The following BEND6 variants were observed in gnomAD, a reference collection of about 807,000 sequenced individuals.
The protein encoded by BEND6 is BEN domain containing 6, also known as BEN domain-containing protein 6.
In BEND6, 24 loss-of-function variants were observed where a neutral mutation model predicts 31.8. That is an observed-to-expected ratio of 0.75 (90% CI 0.55 to 1.06). The LOEUF is 1.06. Ranked by LOEUF, BEND6 falls within the 50% of genes least tolerant of loss-of-function variation. The pLI is 0.00. For missense variants in BEND6, 294 were observed against 327.4 expected (o/e 0.90, Z 0.79); for synonymous variants, 109 against 114.6 (o/e 0.95, Z 0.31).
chr6:57,017,146 T>G (rs1827591023), intron 4 of BEND6, 61 bp from the exon 5 acceptor site: 1 of 1,264,954 alleles, frequency 7.9e-7, no homozygotes, highest in African/African-American at 1.6e-5. Flanking sequence ...ACTCAATTAG[T>G]AACATATTTC....
chr6:56,978,707 C>T (rs1339348175), intron 1 of BEND6, among the ~76,000 whole-genome samples: 1 of 152,166 alleles, frequency 6.6e-6, no homozygotes, highest in Non-Finnish European at 1.5e-5. Flanking sequence ...TACTACCCAA[C>T]ATTTTGATAG....
intron 6 of BEND6, among the ~76,000 whole-genome samples, chr6:57,022,623 G>GT (rs1225656083): frequency 1.3e-5 from 2 of 151,246 alleles, no homozygotes; most frequent in African/African-American, 4.8e-5. Context: ...TTGTTTGTTT[G>GT]TTTTTTGTTT....
chr6:56,982,426 T>A (rs1172975812), intron 2 of BEND6, among the ~76,000 whole-genome samples: 1 of 152,212 alleles, frequency 6.6e-6, no homozygotes, highest in Non-Finnish European at 1.5e-5. Context: ...AGACCCCAGT[T>A]TGTGGCCCAT....
At chr6:56,985,645 G>A (rs1427515788) in intron 2 of BEND6, among the ~76,000 whole-genome samples, 3 of 152,186 alleles carry the variant, frequency 2.0e-5, no homozygotes, top group Non-Finnish European at 2.9e-5. Flanking sequence ...GGGAGTCAGG[G>A]AAATGAAGCC....
intron 2 of BEND6, among the ~76,000 whole-genome samples, chr6:56,988,323 C>A (rs1175844063): frequency 6.6e-6 from 1 of 152,004 alleles, no homozygotes; most frequent in East Asian, 1.9e-4. Context: ...GCCGTGAGTG[C>A]TTTTTTTCAA....
At chr6:56,992,884 G>C (rs1826562299) in intron 3 of BEND6, among the ~76,000 whole-genome samples, 1 of 150,646 alleles carries the variant, frequency 6.6e-6, no homozygotes, top group African/African-American at 2.4e-5. Flanking sequence ...TATTAAGACA[G>C]AGCAAATATG....
intron 1 of BEND6, among the ~76,000 whole-genome samples, chr6:56,977,060 T>C (rs935812673): frequency 2.0e-5 from 3 of 152,212 alleles, no homozygotes; most frequent in Admixed American, 2.0e-4. Flanking sequence ...AAATGAAAAT[T>C]AGTGCAACCA....
chr6:56,968,312 C>CTTT lies in BEND6; in HGVS notation c.-101+12876_-101+12878dup, dbSNP rs779756084. 5.3e-4 allele frequency among the ~76,000 whole-genome samples: 35 copies of CTTT among 65,982 alleles called. 2 individuals carry two copies. Among genetic ancestry groups the CTTT allele is most frequent in the African/African-American group, 1.1e-3 (17 of 15,148 alleles). 43.3% of individuals were successfully genotyped at this position (65,982 alleles called of 152,430 possible). A position where few individuals can be genotyped will look rare whatever the true frequency, so the allele number is the denominator to read the frequency against. ...TTCTTTTTCTTTCTTTCTTTCTTTT[C>CTTT]TTTTTTTTTTTTTTTTTTTTTTTTT... is the stretch of plus-strand genomic sequence containing the variant. On this transcript the variant is annotated intron_variant, in intron 1 of 6. Coordinates refer to ENST00000370746, the MANE Select transcript of BEND6 (RefSeq NM_152731.3).
intron 3 of BEND6, among the ~76,000 whole-genome samples, chr6:57,011,138 TA>T (rs1827328075): frequency 6.6e-6 from 1 of 152,174 alleles, no homozygotes; most frequent in Non-Finnish European, 1.5e-5. Flanking sequence ...TCACAGTACT[TA>T]AATAATTGTA....
At chr6:56,989,149 A>G (rs1826398626) in intron 2 of BEND6, among the ~76,000 whole-genome samples, 1 of 150,838 alleles carries the variant, frequency 6.6e-6, no homozygotes, top group African/African-American at 2.4e-5. Context: ...TGGATTATAT[A>G]TCATATGTGA....
At chr6:57,012,089 C>A (rs1827368219) in intron 3 of BEND6, among the ~76,000 whole-genome samples, 1 of 152,012 alleles carries the variant, frequency 6.6e-6, no homozygotes, top group African/African-American at 2.4e-5. Context: ...CATGCCACTG[C>A]ACTCCAGCCT....
chr6:57,023,449 G>T (rs943234369), intron 6 of BEND6, among the ~76,000 whole-genome samples: 2 of 151,810 alleles, frequency 1.3e-5, no homozygotes, highest in African/African-American at 4.8e-5. Context: ...GCTCTTTTTT[G>T]GTTCCCAGTT....
At chr6:56,975,887 G>A (rs1179189130) in intron 1 of BEND6, 1 of 526,778 alleles carries the variant, frequency 1.9e-6, no homozygotes, top group Non-Finnish European at 3.9e-6. Flanking sequence ...AACACTTGCA[G>A]GTTCAACAAT....
chr6:56,976,352 T>A (rs1825876125), intron 1 of BEND6, among the ~76,000 whole-genome samples: 1 of 149,262 alleles, frequency 6.7e-6, no homozygotes, highest in African/African-American at 2.5e-5. Context: ...CCCGCCACCA[T>A]GCCCGGCTAA....
At chr6:56,957,862 G>A (rs572391819) in intron 1 of BEND6, among the ~76,000 whole-genome samples, 1 of 152,262 alleles carries the variant, frequency 6.6e-6, no homozygotes, top group East Asian at 1.9e-4. Context: ...CTTCCCTTTA[G>A]ATTCTCAACC....
chr6:57,014,247 A>C (rs1165745796), intron 3 of BEND6, among the ~76,000 whole-genome samples: 1 of 152,254 alleles, frequency 6.6e-6, no homozygotes, highest in Admixed American at 6.5e-5. Flanking sequence ...CTTCTTTAGT[A>C]GATTTTCCTT....
At chr6:56,979,666 A>G (rs1025362550) in intron 1 of BEND6, among the ~76,000 whole-genome samples, 1 of 152,240 alleles carries the variant, frequency 6.6e-6, no homozygotes, top group African/African-American at 2.4e-5. Context: ...TGGCTTACAA[A>G]AAGTTGTACT....
intron 3 of BEND6, among the ~76,000 whole-genome samples, chr6:56,997,580 A>G (rs1442916892): frequency 6.6e-6 from 1 of 151,996 alleles, no homozygotes; most frequent in African/African-American, 2.4e-5. Flanking sequence ...TTGAGACGGA[A>G]TCTCACTCTG....
intron 1 of BEND6, among the ~76,000 whole-genome samples, chr6:56,979,006 A>G (rs1382499251): frequency 6.6e-6 from 1 of 152,178 alleles, no homozygotes; most frequent in East Asian, 1.9e-4. Context: ...TACTTCCCCT[A>G]TTGTCAAAAG....
Sources: allele counts gnomAD v4.1 joint callset (sites outside exome capture counted in the v4.1 genomes callset), GRCh38; gene constraint gnomAD v4.1.1; transcripts MANE v1.5; gene names NCBI Gene and HGNC (gene_info 2026-07-23, HGNC 2026-07-21).